GARIN1A: variants seen among roughly 807,000 people sequenced by gnomAD.
GARIN1A encodes Golgi-associated RAB2 interactor protein 1A.
the GARIN1A span, chr7:128,675,580 C>A: frequency 1.5e-6 from 2 of 1,320,764 alleles, no homozygotes; most frequent in Non-Finnish European, 2.1e-6. Context: ...TGTGTGCACA[C>A]CTGCCCCCAA....
the GARIN1A span, among the ~76,000 whole-genome samples, chr7:128,680,318 G>T: frequency 6.6e-6 from 1 of 152,158 alleles, no homozygotes; most frequent in African/African-American, 2.4e-5. Flanking sequence ...AAGGTCTTTG[G>T]CCCTTTGATC....
At chr7:128,680,564 C>CTTTTT in the GARIN1A span, among the ~76,000 whole-genome samples, 3 of 113,758 alleles carry the variant, frequency 2.6e-5, 1 homozygote, top group Admixed American at 8.6e-5. Context: ...TTCTTTCTTT[C>CTTTTT]TTTTTATTTT....
the GARIN1A span, chr7:128,697,385 G>T: frequency 3.9e-5 from 6 of 152,472 alleles, no homozygotes; most frequent in Non-Finnish European, 7.3e-5. Context: ...TAAGCAGAGC[G>T]GACAACTCTG....
chr7:128,696,008 C>CTTT, the GARIN1A span, among the ~76,000 whole-genome samples: 14 of 80,126 alleles, frequency 1.7e-4, no homozygotes, highest in East Asian at 3.8e-4. Flanking sequence ...TCCTAACTTC[C>CTTT]TTTTTTTTTT....
At chr7:128,690,082 G>T in the GARIN1A span, among the ~76,000 whole-genome samples, 1 of 152,192 alleles carries the variant, frequency 6.6e-6, no homozygotes, top group Non-Finnish European at 1.5e-5. Flanking sequence ...TTCTGCCTTG[G>T]GATGCTGTTG....
the GARIN1A span, among the ~76,000 whole-genome samples, chr7:128,673,803 A>T: frequency 6.6e-6 from 1 of 152,072 alleles, no homozygotes; most frequent in African/African-American, 2.4e-5. Context: ...TTCCTAACAT[A>T]CCCTTGGTGG....
chr7:128,675,726 A>T, the GARIN1A span: 1 of 1,613,820 alleles, frequency 6.2e-7, no homozygotes, highest in African/African-American at 1.3e-5. Context: ...TGCCACCGTG[A>T]TCCTCGGGGT....
chr7:128,691,025 T>C, the GARIN1A span: 3 of 152,062 alleles, frequency 2.0e-5, no homozygotes, highest in Admixed American at 6.6e-5. Flanking sequence ...AAAAATAATA[T>C]AAATATTAAC....
At chr7:128,705,653 G>A in the GARIN1A span, among the ~76,000 whole-genome samples, 2 of 86,858 alleles carry the variant, frequency 2.3e-5, no homozygotes, top group African/African-American at 4.0e-5. Flanking sequence ...GATTTTTTTG[G>A]TGTTTTTTTT....
chr7:128,672,655 G>GGGA, the GARIN1A span: 1 of 577,072 alleles, frequency 1.7e-6, no homozygotes, highest in Non-Finnish European at 2.8e-6. Context: ...GGGGAGGGGG[G>GGGA]GGCGGGGGGA....
At chr7:128,675,814 C>G in the GARIN1A span, 3 of 1,613,758 alleles carry the variant, frequency 1.9e-6, no homozygotes. Flanking sequence ...GGTCCATTTA[C>G]CACCTGGAGC....
At chr7:128,681,133 A>G in the GARIN1A span, among the ~76,000 whole-genome samples, 119 of 152,362 alleles carry the variant, frequency 7.8e-4, no homozygotes, top group African/African-American at 2.7e-3. Flanking sequence ...TGGGCAGGCC[A>G]CATAGCATAT....
chr7:128,676,172 A>AT, the GARIN1A span, among the ~76,000 whole-genome samples: 200 of 148,910 alleles, frequency 1.3e-3, no homozygotes, highest in African/African-American at 1.6e-3. Context: ...TGCCCAGCTA[A>AT]TTTTTTTTTT....
chr7:128,672,629 G>T, the GARIN1A span: 2 of 344,646 alleles, frequency 5.8e-6, no homozygotes, highest in Non-Finnish European at 4.6e-6. Context: ...AGATGCTGTG[G>T]CCTTTTAAAG....
the GARIN1A span, chr7:128,691,273 C>T: frequency 6.6e-6 from 1 of 152,144 alleles, no homozygotes; most frequent in Admixed American, 6.5e-5. Context: ...GTTCTCCAAG[C>T]TGATCTACAT....
chr7:128,694,307 G>A, the GARIN1A span, among the ~76,000 whole-genome samples: 1 of 151,944 alleles, frequency 6.6e-6, no homozygotes, highest in African/African-American at 2.4e-5. Flanking sequence ...TGAGGCGGGC[G>A]GATCACTTGA....
chr7:128,702,380 G>A, the GARIN1A span, among the ~76,000 whole-genome samples: 3 of 152,140 alleles, frequency 2.0e-5, no homozygotes, highest in Non-Finnish European at 2.9e-5. Flanking sequence ...AGAAAAGACA[G>A]GAGGGAGATA....
chr7:128,671,913 T>TA, the GARIN1A span, among the ~76,000 whole-genome samples: 1 of 152,126 alleles, frequency 6.6e-6, no homozygotes, highest in South Asian at 2.1e-4. Flanking sequence ...TTCCTATCCT[T>TA]AGACTTCCCT....
the GARIN1A span, among the ~76,000 whole-genome samples, chr7:128,676,172 ATTTT>A: frequency 1.3e-5 from 2 of 148,842 alleles, no homozygotes; most frequent in African/African-American, 5.0e-5. Context: ...TGCCCAGCTA[ATTTT>A]TTTTTTTGGA....
Sources: allele counts gnomAD v4.1 joint callset (sites outside exome capture counted in the v4.1 genomes callset), GRCh38; gene constraint gnomAD v4.1.1; transcripts MANE v1.5; gene names NCBI Gene and HGNC (gene_info 2026-07-23, HGNC 2026-07-21).